The following MACROD2 variants were observed in gnomAD, a reference collection of about 807,000 sequenced individuals.
MACROD2 encodes the protein mono-ADP ribosylhydrolase 2.
MACROD2 carries 36 observed loss-of-function variants against 70.4 expected under a neutral mutation model. The ratio of observed to expected loss-of-function variants is 0.51; its 90% CI spans 0.39 to 0.68. The LOEUF is 0.68. MACROD2 is among the 30% of genes least tolerant of loss of function. MACROD2 has a pLI of 0.00. For synonymous variants in MACROD2, 172 were observed against 178.8 expected (o/e 0.96, Z 0.30); for missense variants, 496 against 538.4 (o/e 0.92, Z 0.78).
At chr20:14,762,991 A>G (rs2072037728) in intron 5 of MACROD2, among the ~76,000 whole-genome samples, 1 of 152,086 alleles carries the variant, frequency 6.6e-6, no homozygotes, top group Admixed American at 6.5e-5. Context: ...TAAGCACAGA[A>G]CAATGTCAGA....
chr20:14,340,640 C>T (rs1221971019), intron 3 of MACROD2, among the ~76,000 whole-genome samples: 1 of 151,966 alleles, frequency 6.6e-6, no homozygotes, highest in East Asian at 1.9e-4. Context: ...GAACTTAACA[C>T]TTAGTTGGGT....
At chr20:15,932,742 A>G (rs2065598457) in intron 10 of MACROD2, among the ~76,000 whole-genome samples, 1 of 152,190 alleles carries the variant, frequency 6.6e-6, no homozygotes, top group African/African-American at 2.4e-5. Flanking sequence ...CTGACCAGTT[A>G]TTTTTCAGAT....
At chr20:14,745,182 T>C (rs1316027016) in intron 5 of MACROD2, among the ~76,000 whole-genome samples, 1 of 152,214 alleles carries the variant, frequency 6.6e-6, no homozygotes, top group Non-Finnish European at 1.5e-5. Context: ...CCTTGACTTG[T>C]ACTTTTCAGA....
At chr20:14,513,001 T>C (rs1263514061) in intron 4 of MACROD2, among the ~76,000 whole-genome samples, 3 of 152,108 alleles carry the variant, frequency 2.0e-5, no homozygotes, top group African/African-American at 7.2e-5. Flanking sequence ...TTTTATCTTA[T>C]ACATCGAGAA....
intron 5 of MACROD2, among the ~76,000 whole-genome samples, chr20:15,143,474 C>T (rs1028128855): frequency 6.6e-6 from 1 of 152,150 alleles, no homozygotes; most frequent in African/African-American, 2.4e-5. Context: ...CCTGTTCACT[C>T]TGATGGTAGT....
chr20:15,958,895 G>T (rs1320983475), intron 12 of MACROD2, among the ~76,000 whole-genome samples: 51 of 152,314 alleles, frequency 3.3e-4, no homozygotes, highest in Non-Finnish European at 4.4e-5. Flanking sequence ...GCTGGCAAGA[G>T]AGCCTTCGCT....
At chr20:15,466,017 CAT>C (rs1017036193) in intron 7 of MACROD2, among the ~76,000 whole-genome samples, 7 of 152,102 alleles carry the variant, frequency 4.6e-5, no homozygotes, top group African/African-American at 1.7e-4. Context: ...AAGTAAGTGA[CAT>C]ATTTTGTTAA....
chr20:15,172,532 G>A lies in MACROD2; in HGVS notation c.419-57408G>A, dbSNP rs928399726. On this transcript the variant is annotated intron_variant, in intron 5 of 17. Coordinates refer to ENST00000684519, the MANE Select transcript of MACROD2 (RefSeq NM_001351661.2). ...CTCCTGAGTGGCTGGGACTATTGGC[G>A]CCTGCCACAATATTTGGCTACTGTT... 2.6e-5 allele frequency among the ~76,000 whole-genome samples: 4 copies of A among 152,116 alleles called. No individual in the cohort carries two copies. The East Asian group carries it at 5.8e-4, about 22-fold the overall frequency.
chr20:15,399,815 T>A (rs979508716), intron 6 of MACROD2, among the ~76,000 whole-genome samples: 58 of 152,234 alleles, frequency 3.8e-4, no homozygotes, highest in Admixed American at 2.6e-3. Context: ...ATAGATGCAC[T>A]TCCTTAAGTT....
intron 12 of MACROD2, among the ~76,000 whole-genome samples, chr20:15,940,026 A>C (rs1225623864): frequency 6.6e-6 from 1 of 152,200 alleles, no homozygotes; most frequent in Non-Finnish European, 1.5e-5. Flanking sequence ...TTATTAAGAA[A>C]AAAAAGTGGT....
chr20:15,190,741 G>C (rs1601198754), intron 5 of MACROD2, among the ~76,000 whole-genome samples: 1 of 152,254 alleles, frequency 6.6e-6, no homozygotes, highest in East Asian at 1.9e-4. Context: ...GGGTGCACAG[G>C]AGGCCTTAGA....
intron 6 of MACROD2, among the ~76,000 whole-genome samples, chr20:15,378,987 G>T (rs1196126720): frequency 6.6e-6 from 1 of 152,096 alleles, no homozygotes; most frequent in African/African-American, 2.4e-5. Context: ...AAATGTGAAG[G>T]AATGCCTGGA....
At chr20:14,516,878 G>A in intron 4 of MACROD2, among the ~76,000 whole-genome samples, 1 of 152,096 alleles carries the variant, frequency 6.6e-6, no homozygotes, top group Non-Finnish European at 1.5e-5. Flanking sequence ...GTGGACAAAA[G>A]ATATGAATGG....
chr20:15,425,117 C>A (rs141819148), intron 6 of MACROD2, among the ~76,000 whole-genome samples: 62 of 152,340 alleles, frequency 4.1e-4, no homozygotes, highest in African/African-American at 1.4e-3. Flanking sequence ...TCATTAAGGA[C>A]TGGAGCAACA....
chr20:14,562,374 TC>T (rs1979493052), intron 4 of MACROD2, among the ~76,000 whole-genome samples: 1 of 151,966 alleles, frequency 6.6e-6, no homozygotes. Flanking sequence ...GCTTGCTTCT[TC>T]TTTTGAATTC....
At chr20:15,176,921 A>T (rs2076466575) in intron 5 of MACROD2, among the ~76,000 whole-genome samples, 1 of 152,070 alleles carries the variant, frequency 6.6e-6, no homozygotes, top group Non-Finnish European at 1.5e-5. Context: ...ATGCCACTAT[A>T]TTCCCCTCAT....
chr20:14,372,765 A>C (rs1402146346), intron 3 of MACROD2, among the ~76,000 whole-genome samples: 1 of 152,054 alleles, frequency 6.6e-6, no homozygotes, highest in East Asian at 1.9e-4. Flanking sequence ...CTATCTACTT[A>C]GGCTTTAAAA....
rs1431303564 is a variant in MACROD2 at position 15,095,061 on chromosome 20, C to CT, written c.419-134877dup. On this transcript the variant is annotated intron_variant, in intron 5 of 17. Coordinates refer to ENST00000684519, the MANE Select transcript of MACROD2 (RefSeq NM_001351661.2). ...TTATATCTTTTCACTGTGGTCTCCT[C>CT]TTCTTTTTTTTTTTTTTTTTTTTTT... is the stretch of plus-strand genomic sequence containing the variant. 2.8e-4 allele frequency among the ~76,000 whole-genome samples: 13 copies of CT among 45,848 alleles called. 1 individual carries two copies. The East Asian group carries it at 3.7e-3, about 13-fold the overall frequency. The allele number at this position is 45,848 out of a possible 152,430, so 30.1% of individuals were successfully genotyped here. A position where few individuals can be genotyped will look rare whatever the true frequency, so the allele number is the denominator to read the frequency against.
rs116543327 is a variant in MACROD2, at chr20:16,025,097, G to A, written c.1154-16104G>A. Among the ~76,000 whole-genome samples the A allele has an allele frequency of 6.9e-3, 1,047 of 152,320 alleles. 9 individuals carry two copies. The highest frequency in any genetic ancestry group is 0.024 in the African/African-American group (993 of 41,578). On this transcript the variant is annotated intron_variant, in intron 15 of 17. Coordinates refer to ENST00000684519, the MANE Select transcript of MACROD2 (RefSeq NM_001351661.2). The stretch of plus-strand genomic sequence containing the variant: ...GGTAAAAATACATGAACAAGAAAAG[G>A]ATTAAGGTGTCTTTGCCTGAAAGGA...
Sources: gnomAD v4.1 joint callset for allele counts (sites outside exome capture counted in the v4.1 genomes callset) on GRCh38, gnomAD v4.1.1 for gene constraint, MANE v1.5 for transcripts, NCBI Gene and HGNC (gene_info 2026-07-23, HGNC 2026-07-21) for gene names.